ANO3: variants seen among roughly 807,000 people sequenced by gnomAD.
The protein encoded by ANO3 is anoctamin-3.
ANO3 carries 99 observed loss-of-function variants against 144.8 expected under a neutral mutation model. The observed-to-expected ratio is 0.68, with a 90% CI of 0.58 to 0.81. ANO3 has a LOEUF of 0.81. Ranked by LOEUF, ANO3 falls within the 30% of genes least tolerant of loss-of-function variation. ANO3 has a pLI of 0.00. For synonymous variants in ANO3, 414 were observed against 392.6 expected, an observed-to-expected ratio of 1.05 and a Z score of -0.64; for missense variants, 905 against 1,202.2, an observed-to-expected ratio of 0.75 and a Z score of 3.66.
intron 1 of ANO3, among the ~76,000 whole-genome samples, chr11:26,280,463 G>A (rs1327092931): frequency 1.3e-5 from 2 of 152,152 alleles, no homozygotes; most frequent in Non-Finnish European, 2.9e-5. Flanking sequence ...TGAAGAACTT[G>A]GAGTCCGATA....
chr11:26,341,786 C>G (rs117730942), intron 1 of ANO3, among the ~76,000 whole-genome samples: 10,439 of 152,254 alleles, frequency 0.069, 476 homozygotes, highest in Non-Finnish European at 0.098. Context: ...CCGGGAATCC[C>G]TGGCAAACCA....
At chr11:26,252,698 A>G (rs1342330369) in intron 1 of ANO3, among the ~76,000 whole-genome samples, 1 of 152,206 alleles carries the variant, frequency 6.6e-6, no homozygotes, top group Non-Finnish European at 1.5e-5. Flanking sequence ...ATGAGTATGG[A>G]CTGGACAGAC....
chr11:26,303,756 G>A (rs1383110255), intron 1 of ANO3, among the ~76,000 whole-genome samples: 1 of 152,162 alleles, frequency 6.6e-6, no homozygotes, highest in East Asian at 1.9e-4. Context: ...GTCTAGCACT[G>A]TCACCCAGGC....
At chr11:26,643,861 C>A (rs915168204) in intron 23 of ANO3, among the ~76,000 whole-genome samples, 1 of 152,168 alleles carries the variant, frequency 6.6e-6, no homozygotes, top group Admixed American at 6.5e-5. Context: ...ATCCCCTTTT[C>A]GCTTTCCTAC....
chr11:26,548,464 C>A (rs1415325669), intron 12 of ANO3, among the ~76,000 whole-genome samples: 1 of 151,830 alleles, frequency 6.6e-6, no homozygotes, highest in Non-Finnish European at 1.5e-5. Flanking sequence ...TCTTTTGGTC[C>A]ATTTTTTAAC....
At chr11:26,549,768 G>A (rs1353134604) in intron 12 of ANO3, among the ~76,000 whole-genome samples, 2 of 151,854 alleles carry the variant, frequency 1.3e-5, no homozygotes, top group East Asian at 1.9e-4. Context: ...GACACGTGTG[G>A]CCTGGTTTTA....
intron 1 of ANO3, among the ~76,000 whole-genome samples, chr11:26,245,922 G>A (rs930437566): frequency 7.2e-5 from 11 of 152,196 alleles, no homozygotes; most frequent in Non-Finnish European, 1.5e-4. Flanking sequence ...TGTCCAGATG[G>A]GTTGACAGAC....
chr11:26,232,445 T>C (rs946796339), intron 1 of ANO3, among the ~76,000 whole-genome samples: 5 of 151,820 alleles, frequency 3.3e-5, no homozygotes, highest in Non-Finnish European at 7.4e-5. Context: ...GAAAAAAAAA[T>C]GCATAGCCCT....
chr11:26,544,125 A>G (rs1849715463), intron 11 of ANO3, among the ~76,000 whole-genome samples: 1 of 150,966 alleles, frequency 6.6e-6, no homozygotes, highest in Non-Finnish European at 1.5e-5. Context: ...GCGAGCACAC[A>G]TTTTAGTGTC....
chr11:26,376,763 T>C (rs1258369119), intron 1 of ANO3, among the ~76,000 whole-genome samples: 2 of 152,144 alleles, frequency 1.3e-5, no homozygotes, highest in African/African-American at 4.8e-5. Context: ...CGGCTAGCAA[T>C]GAATTTTGTA....
Position 26,660,388 on chromosome 11 carries a change from C to T in ANO3, c.2890C>T (p.His964Tyr), listed in dbSNP as rs370436128. ...AATGATGTATGAGGCTGAACTGGAACATTTGCAACAACAACGGAGAAAAAG... is the reference window on the plus strand; with the variant it reads ...AATGATGTATGAGGCTGAACTGGAATATTTGCAACAACAACGGAGAAAAAG... ...QEMMYEAELE[H>Y]LQQQRRKSGQ... Residue 964 changes from histidine to tyrosine, a missense_variant, in exon 27 of 27, where the codon CAT becomes TAT. His to Tyr is a moderately conservative substitution (Grantham distance 83, BLOSUM62 2). Around this residue, in one of 4 missense-constraint regions of ANO3, gnomAD observed 597 missense variants for 865.1 expected, o/e 0.69. Transcript: ENST00000256737. The T allele has an allele frequency of 3.1e-6, 5 of 1,612,800 alleles. No individual in the cohort carries two copies. The highest frequency in any genetic ancestry group is 4.5e-5 in the East Asian group (2 of 44,848).
intron 1 of ANO3, among the ~76,000 whole-genome samples, chr11:26,283,321 A>AATAAATAT (rs1853722604): frequency 4.1e-5 from 2 of 49,134 alleles, no homozygotes; most frequent in African/African-American, 6.5e-5. Context: ...CAAATAAATA[A>AATAAATAT]ATATATATAT....
intron 14 of ANO3, among the ~76,000 whole-genome samples, chr11:26,564,768 T>TCTG (rs1237188425): frequency 0.035 from 3,714 of 106,714 alleles, 257 homozygotes; most frequent in Non-Finnish European, 0.056. Flanking sequence ...TATATATATA[T>TCTG]ATATATATAT....
chr11:26,587,561 C>T lies in ANO3; in HGVS notation c.1448-10804C>T, dbSNP rs540953511. 5.1e-4 allele frequency among the ~76,000 whole-genome samples: 78 copies of T among 152,316 alleles called. 1 individual carries two copies. The highest frequency in any genetic ancestry group is 1.7e-3 in the African/African-American group (72 of 41,570). ...TGTTCATAACTTAGGTTTGCAACCACCCTGGAACTGACTGTGGAATGGCAT... is the reference window on the plus strand; with the variant it reads ...TGTTCATAACTTAGGTTTGCAACCATCCTGGAACTGACTGTGGAATGGCAT... On this transcript the variant is annotated intron_variant, in intron 14 of 26. Coordinates refer to ENST00000256737, the MANE Select transcript of ANO3 (RefSeq NM_031418.4).
intron 4 of ANO3, among the ~76,000 whole-genome samples, chr11:26,486,360 C>CAAA (rs10681114): frequency 0.21 from 15,211 of 73,976 alleles, 1,408 homozygotes; most frequent in South Asian, 0.36. Flanking sequence ...GACTCTGTCT[C>CAAA]AAAAAAAAAA....
At chr11:26,586,501 A>ATTTTT (rs1281089936) in intron 14 of ANO3, among the ~76,000 whole-genome samples, 1 of 40,016 alleles carries the variant, frequency 2.5e-5, no homozygotes, top group African/African-American at 8.9e-5. Context: ...CCTGGTGAGA[A>ATTTTT]TCTTTTTTTT....
intron 1 of ANO3, among the ~76,000 whole-genome samples, chr11:26,411,871 C>A (rs1327598476): frequency 6.6e-6 from 1 of 151,990 alleles, no homozygotes; most frequent in African/African-American, 2.4e-5. Context: ...CCCCCACAGA[C>A]TCTAAATGTT....
chr11:26,465,272 T>TTAGACAGA (rs1554958081), intron 4 of ANO3, among the ~76,000 whole-genome samples: 2 of 146,316 alleles, frequency 1.4e-5, no homozygotes, highest in Non-Finnish European at 3.0e-5. Flanking sequence ...ATGAACCTAT[T>TTAGACAGA]TAGATAGATA....
intron 26 of ANO3, among the ~76,000 whole-genome samples, chr11:26,657,594 A>G (rs1017877167): frequency 7.9e-5 from 12 of 152,130 alleles, no homozygotes; most frequent in African/African-American, 2.9e-4. Context: ...TGCTAATTCC[A>G]TTACCCACCC....
Sources: allele counts gnomAD v4.1 joint callset (sites outside exome capture counted in the v4.1 genomes callset), GRCh38; gene constraint gnomAD v4.1.1; regional missense constraint gnomAD v4.1.1; transcripts MANE v1.5; gene names NCBI Gene and HGNC (gene_info 2026-07-23, HGNC 2026-07-21).